KHDRBS2: variants seen among roughly 807,000 people sequenced by gnomAD.
The protein encoded by KHDRBS2 is KH domain-containing, RNA-binding, signal transduction-associated protein 2.
A neutral mutation model predicts 44.3 loss-of-function variants in KHDRBS2; 26 were observed. The ratio of observed to expected loss-of-function variants is 0.59; its 90% CI spans 0.43 to 0.81. KHDRBS2 has a LOEUF of 0.81. Ranked by LOEUF, KHDRBS2 falls within the 40% of genes least tolerant of loss-of-function variation. KHDRBS2 has a pLI of 0.00. For synonymous variants in KHDRBS2, 194 were observed against 151.1 expected, an observed-to-expected ratio of 1.28 and a Z score of -2.08; for missense variants, 476 against 433.1, an observed-to-expected ratio of 1.10 and a Z score of -0.88.
chr6:61,642,824 C>T, the KHDRBS2 span, among the ~76,000 whole-genome samples: 6 of 152,038 alleles, frequency 3.9e-5, no homozygotes, highest in African/African-American at 9.7e-5. Context: ...AATCAATATA[C>T]GTCTCATAAG....
chr6:61,696,894 C>A (rs1366816204), intron 8 of KHDRBS2, among the ~76,000 whole-genome samples: 1 of 152,038 alleles, frequency 6.6e-6, no homozygotes, highest in Admixed American at 6.6e-5. Flanking sequence ...AATATTGTTG[C>A]CAAATCAATG....
intron 1 of KHDRBS2, among the ~76,000 whole-genome samples, chr6:62,190,253 T>C (rs1343439699): frequency 1.3e-5 from 2 of 152,148 alleles, no homozygotes; most frequent in East Asian, 1.9e-4. Context: ...TTTTGACTAC[T>C]GGCATTGGCA....
chr6:62,193,617 G>A (rs1438386503), intron 1 of KHDRBS2, among the ~76,000 whole-genome samples: 1 of 151,942 alleles, frequency 6.6e-6, no homozygotes, highest in African/African-American at 2.4e-5. Context: ...CATTATCTTG[G>A]GTAGATTCCT....
the KHDRBS2 span, among the ~76,000 whole-genome samples, chr6:61,608,425 TTTTTTTTC>T: frequency 6.6e-6 from 1 of 150,862 alleles, no homozygotes; most frequent in Non-Finnish European, 1.5e-5. Context: ...TGGTATTTAA[TTTTTTTTC>T]TTTTTTTCTT....
At chr6:62,104,636 T>C (rs1471038519) in intron 2 of KHDRBS2, among the ~76,000 whole-genome samples, 1 of 152,066 alleles carries the variant, frequency 6.6e-6, no homozygotes, top group Non-Finnish European at 1.5e-5. Flanking sequence ...ATTTGTGGCA[T>C]ATCACCAAAA....
intron 8 of KHDRBS2, among the ~76,000 whole-genome samples, chr6:61,694,441 A>G (rs1767687427): frequency 6.6e-6 from 1 of 152,166 alleles, no homozygotes; most frequent in South Asian, 2.1e-4. Context: ...GAGACTAGTG[A>G]TACCTATATG....
chr6:61,939,690 T>C (rs1488577897), intron 4 of KHDRBS2, among the ~76,000 whole-genome samples: 1 of 152,262 alleles, frequency 6.6e-6, no homozygotes, highest in East Asian at 1.9e-4. Context: ...AGCTGAATTT[T>C]AGACTCCAAG....
At chr6:61,766,331 T>C (rs1780003544) in intron 6 of KHDRBS2, among the ~76,000 whole-genome samples, 1 of 152,132 alleles carries the variant, frequency 6.6e-6, no homozygotes, top group Admixed American at 6.5e-5. Flanking sequence ...TGTGTCCTTT[T>C]TCACCTCTGA....
At chr6:61,813,013 A>G (rs1383318812) in intron 6 of KHDRBS2, among the ~76,000 whole-genome samples, 3 of 152,136 alleles carry the variant, frequency 2.0e-5, no homozygotes, top group African/African-American at 7.2e-5. Context: ...GTTTGCAACA[A>G]ATAAAAAGAT....
At chr6:62,206,219 A>G (rs1250330404) in intron 1 of KHDRBS2, among the ~76,000 whole-genome samples, 2 of 152,144 alleles carry the variant, frequency 1.3e-5, no homozygotes, top group Non-Finnish European at 2.9e-5. Flanking sequence ...CATTAACATG[A>G]TAAGTAGAGT....
At chr6:62,249,215 A>G (rs1487911487) in intron 1 of KHDRBS2, among the ~76,000 whole-genome samples, 1 of 152,094 alleles carries the variant, frequency 6.6e-6, no homozygotes, top group Admixed American at 6.6e-5. Context: ...TGCCATAATT[A>G]TGGATATAGG....
At chr6:62,049,214 C>CA (rs766216459) in intron 2 of KHDRBS2, among the ~76,000 whole-genome samples, 3 of 151,254 alleles carry the variant, frequency 2.0e-5, no homozygotes, top group African/African-American at 7.3e-5. Flanking sequence ...TTATTGTCAG[C>CA]AAAAGTGTCA....
Position 62,073,887 on chromosome 6 carries a change from A to G in KHDRBS2, c.220-25893T>C, listed in dbSNP as rs10944997. On this transcript the variant is annotated intron_variant, in intron 2 of 8. Transcript: ENST00000281156. ...ATTCCAAATAAAGTCTATCCTCAAA[A>G]GAAGAACGGCAGATCACTTTGGATT... Among the ~76,000 whole-genome samples, 63 of 151,868 alleles carry G rather than the reference A, an allele frequency of 4.1e-4. 1 individual carries two copies. In the East Asian group the frequency reaches 0.011, roughly 27 times the overall value.
chr6:61,561,630 C>T, the KHDRBS2 span, among the ~76,000 whole-genome samples: 2 of 152,148 alleles, frequency 1.3e-5, no homozygotes, highest in Non-Finnish European at 1.5e-5. Context: ...GTCACCCCCA[C>T]AACAGACACA....
chr6:62,219,704 C>T (rs1830564188), intron 1 of KHDRBS2, among the ~76,000 whole-genome samples: 1 of 150,310 alleles, frequency 6.7e-6, no homozygotes, highest in African/African-American at 2.4e-5. Context: ...AGAGAATGTC[C>T]TTATTCTTAG....
the KHDRBS2 span, among the ~76,000 whole-genome samples, chr6:61,664,431 T>A: frequency 6.6e-6 from 1 of 151,610 alleles, no homozygotes; most frequent in South Asian, 2.1e-4. Flanking sequence ...TCATCTGACA[T>A]AGGAAAAAAA....
intron 2 of KHDRBS2, among the ~76,000 whole-genome samples, chr6:62,079,449 T>G (rs1368992090): frequency 1.3e-5 from 2 of 152,028 alleles, no homozygotes; most frequent in Non-Finnish European, 2.9e-5. Context: ...AATTAAAATA[T>G]ATTTTACATT....
chr6:61,734,304 T>C (rs996486490), intron 6 of KHDRBS2, among the ~76,000 whole-genome samples: 2 of 152,146 alleles, frequency 1.3e-5, no homozygotes, highest in African/African-American at 4.8e-5. Flanking sequence ...TTCAATGTTC[T>C]AAAGTTAATT....
Position 62,177,271 on chromosome 6 carries a change from C to T in KHDRBS2, c.133G>A (p.Glu45Lys), listed in dbSNP as rs371176770. ...ATGACATCAAGATACTTCTTTTCTT[C>T]GTCTTCCTTTTTTCCATCAGAACCT... ...FQGSDGKKED[E>K]EKKYLDVISN... Residue 45 changes from glutamate to lysine, a missense_variant, in exon 2 of 9, where the codon GAA becomes AAA. Transcript: ENST00000281156. 1.3e-5 allele frequency: 21 copies of T among 1,600,592 alleles called. No individual in the cohort carries two copies. Among genetic ancestry groups the T allele is most frequent in the Admixed American group, 1.0e-4 (6 of 59,296 alleles).
Sources: allele counts gnomAD v4.1 joint callset (sites outside exome capture counted in the v4.1 genomes callset), GRCh38; gene constraint gnomAD v4.1.1; transcripts MANE v1.5; gene names NCBI Gene and HGNC (gene_info 2026-07-23, HGNC 2026-07-21).